Variants in KIAA0232 observed in about 807,000 individuals in gnomAD.
KIAA0232 encodes the protein uncharacterized protein KIAA0232.
Under a neutral mutation model 122.0 loss-of-function variants are expected in KIAA0232, and 27 were observed. The ratio of observed to expected loss-of-function variants is 0.22; its 90% CI spans 0.16 to 0.31. The LOEUF (loss-of-function observed/expected upper bound fraction) is 0.31, where lower values mean the gene tolerates loss of function less well. Ranked by LOEUF, KIAA0232 falls within the 10% of genes least tolerant of loss-of-function variation. The pLI is 1.00. For synonymous variants in KIAA0232, 613 were observed against 587.6 expected, an observed-to-expected ratio of 1.04 and a Z score of -0.63; for missense variants, 1,551 against 1,634.2, an observed-to-expected ratio of 0.95 and a Z score of 0.88.
At chr4:6,785,002 C>A (rs1159709638) in intron 1 of KIAA0232, among the ~76,000 whole-genome samples, 1 of 149,038 alleles carries the variant, frequency 6.7e-6, no homozygotes, top group East Asian at 2.0e-4. Flanking sequence ...TCCGCGATCT[C>A]GGCTCACTCA....
intron 8 of KIAA0232, among the ~76,000 whole-genome samples, chr4:6,874,452 G>T (rs1306567038): frequency 1.3e-5 from 2 of 152,206 alleles, no homozygotes; most frequent in African/African-American, 4.8e-5. Flanking sequence ...GCAGCTGGGA[G>T]CCAGACCACA....
intron 2 of KIAA0232, among the ~76,000 whole-genome samples, chr4:6,816,979 C>T (rs1056741609): frequency 6.6e-6 from 1 of 152,146 alleles, no homozygotes; most frequent in South Asian, 2.1e-4. Flanking sequence ...TATGTCTTCT[C>T]TCTTTCCTGA....
chr4:6,850,999 G>T (rs1454176120), intron 4 of KIAA0232, among the ~76,000 whole-genome samples: 1 of 152,144 alleles, frequency 6.6e-6, no homozygotes, highest in Non-Finnish European at 1.5e-5. Flanking sequence ...TTATCCTTGT[G>T]CGTATGTACA....
chr4:6,849,114 G>T (rs1454417275), intron 4 of KIAA0232, among the ~76,000 whole-genome samples: 3 of 152,234 alleles, frequency 2.0e-5, no homozygotes, highest in Non-Finnish European at 4.4e-5. Context: ...GCTGCACTGA[G>T]ACTAACTAAA....
chr4:6,790,623 G>A (rs1035445286), intron 1 of KIAA0232, among the ~76,000 whole-genome samples: 4 of 151,760 alleles, frequency 2.6e-5, no homozygotes, highest in Admixed American at 6.6e-5. Context: ...GGCCTCAAGC[G>A]ATCCTCCCGC....
chr4:6,854,231 C>T (rs1720454543), intron 4 of KIAA0232, among the ~76,000 whole-genome samples: 1 of 152,148 alleles, frequency 6.6e-6, no homozygotes, highest in African/African-American at 2.4e-5. Context: ...CTGGATGCCT[C>T]ACATGTGTCA....
chr4:6,843,551 C>T (rs1158357693), intron 4 of KIAA0232, among the ~76,000 whole-genome samples: 1 of 152,156 alleles, frequency 6.6e-6, no homozygotes, highest in Non-Finnish European at 1.5e-5. Flanking sequence ...GGCAGATCAC[C>T]TGAGGTCAGG....
At chr4:6,850,353 G>C (rs1429739057) in intron 4 of KIAA0232, among the ~76,000 whole-genome samples, 3 of 152,052 alleles carry the variant, frequency 2.0e-5, no homozygotes, top group Non-Finnish European at 4.4e-5. Flanking sequence ...ATCATACCCC[G>C]CTTGGTGTTT....
chr4:6,829,635 A>C (rs548485251), intron 3 of KIAA0232, among the ~76,000 whole-genome samples: 1 of 152,352 alleles, frequency 6.6e-6, no homozygotes, highest in African/African-American at 2.4e-5. Context: ...ACAGCCTGAA[A>C]GTGAATGGCA....
rs1255248347 is a variant in KIAA0232 at position 6,881,235 on chromosome 4, T to C, written c.*269T>C. 1 of 289,836 alleles carries C rather than the reference T, an allele frequency of 3.5e-6. No homozygotes were observed. Among genetic ancestry groups the C allele is most frequent in the Non-Finnish European group, 6.3e-6 (1 of 157,704 alleles). 18.0% of individuals were successfully genotyped at this position (289,836 alleles called of 1,614,324 possible). A position where few individuals can be genotyped will look rare whatever the true frequency, so the allele number is the denominator to read the frequency against. Reference sequence around the variant, plus strand: ...TCAAGAATGGGTGTGCATGTGCTTGTCTTAGAAGTATCACTGCTTTTTGCA... The same window carrying C: ...TCAAGAATGGGTGTGCATGTGCTTGCCTTAGAAGTATCACTGCTTTTTGCA... On this transcript the variant is annotated 3_prime_UTR_variant, in exon 10 of 10. Coordinates refer to ENST00000307659, the MANE Select transcript of KIAA0232 (RefSeq NM_014743.3).
intron 7 of KIAA0232, chr4:6,866,289 C>G: frequency 5.3e-6 from 5 of 951,988 alleles, no homozygotes; most frequent in Non-Finnish European, 6.3e-6. Context: ...TATGTGTTAT[C>G]AGAATTCCGG....
At chr4:6,813,702 T>G (rs141240549) in intron 2 of KIAA0232, among the ~76,000 whole-genome samples, 54 of 152,240 alleles carry the variant, frequency 3.5e-4, no homozygotes, top group African/African-American at 9.1e-4. Flanking sequence ...GACAAACCAT[T>G]TGGGGTTTAT....
At position 6,863,425 on chromosome 4, in the gene KIAA0232, T is replaced by C. The variant is rs745944833; in HGVS notation, c.3043T>C (p.Phe1015Leu). The change falls in exon 7 of 10, where the codon TTT becomes CTT. Residue 1015 changes from phenylalanine to leucine, a missense_variant. Phe to Leu is a conservative substitution (Grantham distance 22). Coordinates refer to ENST00000307659, the MANE Select transcript of KIAA0232 (RefSeq NM_014743.3). ...GENGLNKGFS[F>L]IFHEDLLGAC... Reference sequence around the variant, plus strand: ...AAATGGGTTAAATAAGGGATTTTCTTTTATCTTCCATGAAGACTTACTAGG... The same window carrying C: ...AAATGGGTTAAATAAGGGATTTTCTCTTATCTTCCATGAAGACTTACTAGG... 2 of 1,614,076 alleles carry C rather than the reference T, an allele frequency of 1.2e-6. No homozygotes were observed. Among genetic ancestry groups the C allele is most frequent in the South Asian group, 2.2e-5 (2 of 91,070 alleles).
rs142429879 is a variant in KIAA0232, at chr4:6,840,062, A to G, written c.232-2005A>G. Among the ~76,000 whole-genome samples, 342 of 152,272 alleles carry G rather than the reference A, an allele frequency of 2.2e-3. 3 individuals carry two copies. Among genetic ancestry groups the G allele is most frequent in the African/African-American group, 7.7e-3 (321 of 41,544 alleles). The stretch of plus-strand genomic sequence containing the variant: ...TTGGCTTACGGGGGAAAAAAGACTC[A>G]AATAACTAAAAGTCCAGAAGTTGGG... On this transcript the variant is annotated intron_variant, in intron 3 of 9. Transcript: ENST00000307659.
intron 4 of KIAA0232, among the ~76,000 whole-genome samples, chr4:6,844,463 A>T (rs2108747636): frequency 6.6e-6 from 1 of 151,308 alleles, no homozygotes; most frequent in East Asian, 1.9e-4. Context: ...TTTTGAGACG[A>T]CAGAGTCTTA....
chr4:6,856,174 T>C (rs1011494213), intron 4 of KIAA0232, among the ~76,000 whole-genome samples: 1 of 152,216 alleles, frequency 6.6e-6, no homozygotes, highest in Non-Finnish European at 1.5e-5. Context: ...CTGAGTCATT[T>C]TGAGTTAAGT....
At chr4:6,789,119 C>T (rs914689759) in intron 1 of KIAA0232, among the ~76,000 whole-genome samples, 8 of 151,704 alleles carry the variant, frequency 5.3e-5, no homozygotes, top group South Asian at 2.1e-4. Flanking sequence ...TACAGGCGCC[C>T]GACCACAACG....
At chr4:6,786,719 C>G (rs558458266) in intron 1 of KIAA0232, among the ~76,000 whole-genome samples, 149 of 152,220 alleles carry the variant, frequency 9.8e-4, no homozygotes, top group African/African-American at 3.4e-3. Context: ...TATTTTTGGT[C>G]TTTCACATAA....
chr4:6,811,665 G>GT (rs1717882759), intron 2 of KIAA0232, among the ~76,000 whole-genome samples: 1 of 151,096 alleles, frequency 6.6e-6, no homozygotes, highest in Non-Finnish European at 1.5e-5. Flanking sequence ...GGCTGGTCTT[G>GT]AACTCCTGAG....
Sources: gnomAD v4.1 joint callset for allele counts (sites outside exome capture counted in the v4.1 genomes callset) on GRCh38, gnomAD v4.1.1 for gene constraint, MANE v1.5 for transcripts, NCBI Gene and HGNC (gene_info 2026-07-23, HGNC 2026-07-21) for gene names.